Variants in MAST4 observed in about 807,000 individuals in gnomAD.
The protein encoded by MAST4 is microtubule-associated serine/threonine-protein kinase 4.
A neutral mutation model predicts 162.7 loss-of-function variants in MAST4; 89 were observed. The observed-to-expected ratio is 0.55, with a 90% confidence interval of 0.46 to 0.65. The LOEUF (loss-of-function observed/expected upper bound fraction) is 0.65. Ranked by LOEUF, MAST4 falls within the 30% of genes least tolerant of loss-of-function variation. MAST4 has a pLI of 0.00. For missense variants in MAST4, 3,153 were observed against 3,374.0 expected (o/e 0.93, Z 1.62); for synonymous variants, 1,479 against 1,361.1 (o/e 1.09, Z -1.91).
chr5:66,951,899 C>T (rs139414948), intron 4 of MAST4, among the ~76,000 whole-genome samples: 133 of 152,156 alleles, frequency 8.7e-4, no homozygotes, highest in African/African-American at 3.1e-3. Context: ...TTTTCTGTTC[C>T]AAGCTGGACG....
chr5:66,836,315 G>A (rs188677485), intron 3 of MAST4, among the ~76,000 whole-genome samples: 1 of 152,320 alleles, frequency 6.6e-6, no homozygotes, highest in East Asian at 1.9e-4. Flanking sequence ...GTGAGGTGCA[G>A]AGAAAAGGCA....
At chr5:67,042,303 A>G (rs1756850110) in intron 4 of MAST4, among the ~76,000 whole-genome samples, 1 of 152,188 alleles carries the variant, frequency 6.6e-6, no homozygotes. Flanking sequence ...TAACAACAGC[A>G]AGGAACACTC....
At chr5:66,949,589 G>A (rs1010870787) in intron 4 of MAST4, among the ~76,000 whole-genome samples, 1 of 152,096 alleles carries the variant, frequency 6.6e-6, no homozygotes, top group Admixed American at 6.6e-5. Flanking sequence ...CCCAGTCTCA[G>A]GTATGTCTAT....
At chr5:66,968,549 C>A (rs907914152) in intron 4 of MAST4, among the ~76,000 whole-genome samples, 3 of 152,166 alleles carry the variant, frequency 2.0e-5, no homozygotes, top group African/African-American at 7.2e-5. Flanking sequence ...CATATATCCA[C>A]AAAACCTAAA....
intron 2 of MAST4, among the ~76,000 whole-genome samples, 193 bp from the exon 3 acceptor site, chr5:66,788,477 A>T (rs1444647583): frequency 6.6e-6 from 1 of 152,212 alleles, no homozygotes; most frequent in Non-Finnish European, 1.5e-5. Flanking sequence ...GGTCAGGGCC[A>T]GACCCTGCCA....
chr5:67,044,988 A>G (rs1464576063), intron 4 of MAST4, among the ~76,000 whole-genome samples: 3 of 152,142 alleles, frequency 2.0e-5, no homozygotes, highest in Admixed American at 6.5e-5. Flanking sequence ...TTTCTTAGCT[A>G]TGTACATTGC....
intron 4 of MAST4, among the ~76,000 whole-genome samples, chr5:66,980,468 A>G (rs1272286590): frequency 6.6e-6 from 1 of 152,216 alleles, no homozygotes; most frequent in Non-Finnish European, 1.5e-5. Flanking sequence ...AGTCAAAGCT[A>G]AAAGGGAAAC....
At chr5:67,070,661 A>G (rs1760843445) in intron 5 of MAST4, among the ~76,000 whole-genome samples, 2 of 152,230 alleles carry the variant, frequency 1.3e-5, no homozygotes, top group Admixed American at 6.5e-5. Context: ...ACTGGAAACT[A>G]AGAACATACC....
chr5:66,727,001 A>G (rs971033236), intron 1 of MAST4, among the ~76,000 whole-genome samples: 1 of 152,122 alleles, frequency 6.6e-6, no homozygotes, highest in Non-Finnish European at 1.5e-5. Flanking sequence ...AGACTGTTCC[A>G]ATGGTTCTGG....
intron 4 of MAST4, among the ~76,000 whole-genome samples, chr5:66,943,164 ACCTCTTATCAAC>A (rs1389817467): frequency 6.6e-6 from 1 of 151,950 alleles, no homozygotes; most frequent in Non-Finnish European, 1.5e-5. Context: ...TCTCCATTCT[ACCTCTTATCAAC>A]CCACTTAACA....
At chr5:66,685,400 G>T (rs13162144) in intron 1 of MAST4, among the ~76,000 whole-genome samples, 16,800 of 152,108 alleles carry the variant, frequency 0.11, 1,011 homozygotes, top group Admixed American at 0.16. Context: ...TATTTTAAAG[G>T]ATCAGAATAT....
intron 2 of MAST4, among the ~76,000 whole-genome samples, chr5:66,764,593 G>A: frequency 6.6e-6 from 1 of 151,808 alleles, no homozygotes. Context: ...ATAGGCCTAG[G>A]CTAATGTGTT....
At chr5:66,678,796 A>G (rs759623484) in intron 1 of MAST4, among the ~76,000 whole-genome samples, 73 of 146,390 alleles carry the variant, frequency 5.0e-4, no homozygotes, top group African/African-American at 1.7e-3. Context: ...CCGGCCCCCA[A>G]TTTTTTTTTT....
At chr5:66,654,995 TA>T (rs1290415227) in intron 1 of MAST4, among the ~76,000 whole-genome samples, 2 of 152,168 alleles carry the variant, frequency 1.3e-5, no homozygotes, top group Admixed American at 1.3e-4. Flanking sequence ...ATATTATAAA[TA>T]ATAATAATAG....
chr5:66,930,731 G>A (rs1255644096), intron 4 of MAST4: 1 of 470,676 alleles, frequency 2.1e-6, no homozygotes, highest in Non-Finnish European at 4.4e-6. Context: ...TTCTATCTGG[G>A]TTCACTGTCT....
At chr5:67,061,542 A>G (rs1423924570) in intron 5 of MAST4, among the ~76,000 whole-genome samples, 1 of 148,510 alleles carries the variant, frequency 6.7e-6, no homozygotes, top group Non-Finnish European at 1.5e-5. Flanking sequence ...AGAAGTTATT[A>G]TTTTTCATTT....
chr5:66,886,822 T>C (rs565862913), intron 3 of MAST4, among the ~76,000 whole-genome samples: 16 of 151,662 alleles, frequency 1.1e-4, no homozygotes, highest in African/African-American at 3.6e-4. Flanking sequence ...TGCTTGGAAA[T>C]GACTTGATTT....
chr5:66,892,136 A>G (rs1159338073), intron 3 of MAST4, among the ~76,000 whole-genome samples: 1 of 152,234 alleles, frequency 6.6e-6, no homozygotes, highest in East Asian at 1.9e-4. Context: ...GTTGAGTCAC[A>G]TGTCATCTTT....
At chr5:66,792,629 C>G (rs905601182) in intron 3 of MAST4, 4 of 152,062 alleles carry the variant, frequency 2.6e-5, no homozygotes, top group African/African-American at 7.2e-5. Flanking sequence ...CATCTAAAAT[C>G]TCTATGGCTT....
Sources: allele counts gnomAD v4.1 joint callset (sites outside exome capture counted in the v4.1 genomes callset), GRCh38; gene constraint gnomAD v4.1.1; transcripts MANE v1.5; gene names NCBI Gene and HGNC (gene_info 2026-07-23, HGNC 2026-07-21).